The following RABGAP1L variants were observed in gnomAD, a reference collection of about 807,000 sequenced individuals.
RABGAP1L encodes the protein RAB GTPase activating protein 1 like.
Under a neutral mutation model 137.7 loss-of-function variants are expected in RABGAP1L, and 63 were observed. The observed-to-expected ratio is 0.46, with a 90% CI of 0.37 to 0.56. RABGAP1L has a LOEUF of 0.56. RABGAP1L is among the 20% of genes least tolerant of loss of function. The pLI, the probability that RABGAP1L is intolerant of heterozygous loss-of-function variation, is 0.00. For synonymous variants in RABGAP1L, 431 were observed against 433.7 expected (o/e 0.99, Z 0.08); for missense variants, 1,095 against 1,244.0 (o/e 0.88, Z 1.80).
intron 13 of RABGAP1L, among the ~76,000 whole-genome samples, chr1:174,406,902 C>T (rs1388521094): frequency 6.6e-6 from 1 of 152,142 alleles, no homozygotes; most frequent in Non-Finnish European, 1.5e-5. Context: ...ATTACTTTTG[C>T]ATCAACCTAG....
At chr1:174,822,901 G>C (rs1401270467) in intron 19 of RABGAP1L, among the ~76,000 whole-genome samples, 1 of 152,210 alleles carries the variant, frequency 6.6e-6, no homozygotes, top group Non-Finnish European at 1.5e-5. Context: ...TTTTCTGGCA[G>C]TTCATTAAAA....
In RABGAP1L at chr1:174,448,454, C is replaced by T. The variant is rs747544834; in HGVS notation, c.1710+54309C>T. 1 of 1,613,790 alleles carries T rather than the reference C, an allele frequency of 6.2e-7. No individual in the cohort carries two copies. Among genetic ancestry groups the T allele is most frequent in the East Asian group, 2.2e-5 (1 of 44,878 alleles). On this transcript the variant is annotated intron_variant, in intron 13 of 25. Transcript: ENST00000681986. The surrounding 1 kb of genome is among the most constrained non-coding windows in gnomAD (Gnocchi z 4.2). ...AGGTGTCCACGAGTCATTGACTTGC[C>T]AGGTTTTTGGATATATCATCTCAGT... is the stretch of plus-strand genomic sequence containing the variant.
chr1:174,536,598 T>A (rs1183133081), intron 13 of RABGAP1L, among the ~76,000 whole-genome samples: 1 of 152,122 alleles, frequency 6.6e-6, no homozygotes, highest in Non-Finnish European at 1.5e-5. Context: ...CATAAAAATT[T>A]TTAGATCAAG....
At chr1:174,507,147 A>G (rs1661897023) in intron 13 of RABGAP1L, among the ~76,000 whole-genome samples, 1 of 152,248 alleles carries the variant, frequency 6.6e-6, no homozygotes, top group Non-Finnish European at 1.5e-5. Flanking sequence ...TAATAAATTG[A>G]CAATGTTCAC....
intron 14 of RABGAP1L, among the ~76,000 whole-genome samples, chr1:174,641,964 G>A (rs1277200571): frequency 3.3e-5 from 5 of 152,138 alleles, no homozygotes; most frequent in African/African-American, 1.2e-4. Flanking sequence ...TTCTGTTACA[G>A]TGTTCGGTTT....
chr1:174,430,358 A>G (rs771964446), intron 13 of RABGAP1L, among the ~76,000 whole-genome samples: 2 of 115,692 alleles, frequency 1.7e-5, no homozygotes, highest in African/African-American at 3.3e-5. Flanking sequence ...ACTCTGTCTG[A>G]AAAAAAAAAA....
rs190524204 is a variant in RABGAP1L, at chr1:174,161,731, G to A, written c.-34+2074G>A. Among the ~76,000 whole-genome samples, 31 of 151,854 alleles carry A rather than the reference G, an allele frequency of 2.0e-4. No individual in the cohort carries two copies. The East Asian group carries it at 5.1e-3, about 25-fold the overall frequency. Reference sequence around the variant, plus strand: ...GTGTGACTGTAAATAGATGAAGTTTGTTTGTTTCTTTTAAAGAGACAAGGT... The same window carrying A: ...GTGTGACTGTAAATAGATGAAGTTTATTTGTTTCTTTTAAAGAGACAAGGT... On this transcript the variant is annotated intron_variant, in intron 1 of 25. Transcript: ENST00000681986.
intron 22 of RABGAP1L, among the ~76,000 whole-genome samples, chr1:174,977,960 C>T (rs751117522): frequency 1.3e-5 from 2 of 152,234 alleles, no homozygotes; most frequent in Middle Eastern, 3.4e-3. Flanking sequence ...GAGTATACGC[C>T]ATTAATAATT....
intron 13 of RABGAP1L, among the ~76,000 whole-genome samples, chr1:174,612,066 G>A (rs1358924076): frequency 6.6e-6 from 1 of 152,058 alleles, no homozygotes; most frequent in Non-Finnish European, 1.5e-5. Context: ...CTGCCTAATT[G>A]CCCTGGCCAG....
intron 14 of RABGAP1L, among the ~76,000 whole-genome samples, chr1:174,644,262 T>A (rs994301326): frequency 6.6e-6 from 1 of 152,100 alleles, no homozygotes; most frequent in African/African-American, 2.4e-5. Context: ...AAGAGATTTT[T>A]AAATTTCTTC....
intron 13 of RABGAP1L, among the ~76,000 whole-genome samples, chr1:174,615,782 G>T (rs1671780112): frequency 6.6e-6 from 1 of 152,216 alleles, no homozygotes; most frequent in African/African-American, 2.4e-5. Context: ...CTGGGCAATG[G>T]TGGGCGCCCC....
At chr1:174,502,309 A>T (rs2147764981) in intron 13 of RABGAP1L, among the ~76,000 whole-genome samples, 1 of 151,682 alleles carries the variant, frequency 6.6e-6, no homozygotes, top group East Asian at 1.9e-4. Flanking sequence ...ATTCCAAAGG[A>T]AAAGAATCCC....
chr1:174,217,582 T>G (rs1276371968), intron 1 of RABGAP1L, among the ~76,000 whole-genome samples: 4 of 152,132 alleles, frequency 2.6e-5, no homozygotes, highest in Non-Finnish European at 5.9e-5. Context: ...CATCGTGCAG[T>G]CTGGAAGAGT....
chr1:174,990,096 GC>G lies in RABGAP1L; in HGVS notation c.*97del. The G allele has an allele frequency of 7.2e-7, 1 of 1,381,548 alleles. No homozygotes were observed. The highest frequency in any genetic ancestry group is 9.7e-7 in the Non-Finnish European group (1 of 1,029,004). 85.6% of individuals were successfully genotyped at this position (1,381,548 alleles called of 1,614,324 possible). On this transcript the variant is annotated 3_prime_UTR_variant, in exon 26 of 26. Transcript: ENST00000681986. Reference sequence around the variant, plus strand: ...GTCCCTTTGAAGGAAAGTCAAGGAGGCCAGAAAACAAGCCAGAATTTTTCAG... The same window carrying G: ...GTCCCTTTGAAGGAAAGTCAAGGAGGCAGAAAACAAGCCAGAATTTTTCAG...
chr1:174,926,916 T>G (rs919479446), intron 19 of RABGAP1L, among the ~76,000 whole-genome samples: 2 of 151,812 alleles, frequency 1.3e-5, no homozygotes, highest in South Asian at 4.2e-4. Context: ...CTACTAAAAA[T>G]ACAAAAATTA....
At chr1:174,652,547 A>G (rs560931469) in intron 14 of RABGAP1L, among the ~76,000 whole-genome samples, 9 of 152,054 alleles carry the variant, frequency 5.9e-5, no homozygotes, top group African/African-American at 2.2e-4. Context: ...TTTTCCTCTA[A>G]CAGGCCCCTC....
intron 10 of RABGAP1L, among the ~76,000 whole-genome samples, chr1:174,284,734 CTTTTTTTT>C (rs59344382): frequency 9.4e-5 from 4 of 42,620 alleles, no homozygotes; most frequent in South Asian, 1.6e-3. Flanking sequence ...TATTTCTTGT[CTTTTTTTT>C]TTTTTTTTTT....
chr1:174,351,379 G>C (rs1683174651), intron 11 of RABGAP1L, among the ~76,000 whole-genome samples: 1 of 152,084 alleles, frequency 6.6e-6, no homozygotes, highest in Non-Finnish European at 1.5e-5. Context: ...AAATCTCTCT[G>C]TTTTTGTTGA....
chr1:174,640,040 A>G (rs757139291), intron 14 of RABGAP1L, among the ~76,000 whole-genome samples: 12 of 152,194 alleles, frequency 7.9e-5, no homozygotes, highest in Non-Finnish European at 1.3e-4. Flanking sequence ...GATGTAGAAA[A>G]CAAAATTACA....
Sources: gnomAD v4.1 joint callset for allele counts (sites outside exome capture counted in the v4.1 genomes callset) on GRCh38, gnomAD v4.1.1 for gene constraint, Gnocchi (gnomAD v3.1) non-coding constraint, MANE v1.5 for transcripts, NCBI Gene and HGNC (gene_info 2026-07-23, HGNC 2026-07-21) for gene names.